Variants in PSPC1 observed in about 807,000 individuals in gnomAD.
PSPC1 encodes paraspeckle component 1, also known as paraspeckle protein 1.
A neutral mutation model predicts 51.6 loss-of-function variants in PSPC1; 14 were observed. That is an observed-to-expected ratio of 0.27 (90% CI 0.18 to 0.42). The LOEUF (loss-of-function observed/expected upper bound fraction) is 0.42. Ranked by LOEUF, PSPC1 falls within the 10% of genes least tolerant of loss-of-function variation. The pLI, the probability that PSPC1 is intolerant of heterozygous loss-of-function variation, is 1.00. For missense variants in PSPC1, 406 were observed against 701.1 expected, an observed-to-expected ratio of 0.58 and a Z score of 4.75; for synonymous variants, 193 against 231.9, an observed-to-expected ratio of 0.83 and a Z score of 1.53.
At chr13:19,736,824 A>T (rs1028189866) in intron 5 of PSPC1, among the ~76,000 whole-genome samples, 1 of 152,198 alleles carries the variant, frequency 6.6e-6, no homozygotes, top group African/African-American at 2.4e-5. Context: ...CATAGTACAA[A>T]ATTATGAAAA....
chr13:19,751,919 G>A (rs1465256925), intron 3 of PSPC1, among the ~76,000 whole-genome samples: 2 of 152,100 alleles, frequency 1.3e-5, no homozygotes, highest in African/African-American at 4.8e-5. Context: ...TTAGCCGGGC[G>A]TGGTGGCAGG....
In PSPC1 at chr13:19,703,039, C is replaced by G. The variant is rs1278446631; in HGVS notation, c.*136G>C. 1 of 517,472 alleles carries G rather than the reference C, an allele frequency of 1.9e-6. No homozygotes were observed. The highest frequency in any genetic ancestry group is 4.0e-5 in the Admixed American group (1 of 24,728). 32.1% of individuals were successfully genotyped at this position (517,472 alleles called of 1,614,324 possible). A position where few individuals can be genotyped will look rare whatever the true frequency, so the allele number is the denominator to read the frequency against. On this transcript the variant is annotated 3_prime_UTR_variant, in exon 9 of 9. Coordinates refer to ENST00000338910, the MANE Select transcript of PSPC1 (RefSeq NM_001354909.2). ...TGAATAAAGAAAAATACAAAAACCT[C>G]AAGTTTTACAAAAAAAAAAAAACTT...
At position 19,782,770 on chromosome 13, in the gene PSPC1, G is replaced by T; in HGVS notation, c.-13C>A. The T allele has an allele frequency of 6.5e-7, 1 of 1,529,700 alleles. No homozygotes were observed. Among genetic ancestry groups the T allele is most frequent in the African/African-American group, 1.4e-5 (1 of 69,154 alleles). The allele number at this position is 1,529,700 out of a possible 1,614,324, so 94.8% of individuals were successfully genotyped here. ...CTCTTAACATCATCTTACTGAGTTC[G>T]CCTCGGACACCGGATACAGGCCTAG... On this transcript the variant is annotated 5_prime_UTR_variant, in exon 1 of 9. Coordinates refer to ENST00000338910, the MANE Select transcript of PSPC1 (RefSeq NM_001354909.2). The surrounding 1 kb of genome is among the most constrained non-coding windows in gnomAD (Gnocchi z 4.5).
chr13:19,753,757 A>G (rs1886799397), intron 3 of PSPC1, among the ~76,000 whole-genome samples: 1 of 152,164 alleles, frequency 6.6e-6, no homozygotes, highest in Non-Finnish European at 1.5e-5. Context: ...TGTAATAACA[A>G]GAGAGGGAAA....
At chr13:19,731,684 G>C (rs1421103035) in intron 5 of PSPC1, among the ~76,000 whole-genome samples, 1 of 152,202 alleles carries the variant, frequency 6.6e-6, no homozygotes, top group African/African-American at 2.4e-5. Context: ...AAAGTGCTGG[G>C]ATTACAGGCG....
intron 2 of PSPC1, among the ~76,000 whole-genome samples, chr13:19,760,099 C>T (rs564533893): frequency 2.5e-4 from 38 of 152,146 alleles, no homozygotes; most frequent in Non-Finnish European, 4.7e-4. Context: ...AATGATACTT[C>T]TGAGACATTT....
At chr13:19,772,837 T>C (rs1397012235) in intron 1 of PSPC1, among the ~76,000 whole-genome samples, 1 of 152,136 alleles carries the variant, frequency 6.6e-6, no homozygotes, top group East Asian at 1.9e-4. Flanking sequence ...AGTTTTAAAA[T>C]CTCCTACATA....
chr13:19,732,563 T>C (rs1285224408), intron 5 of PSPC1, among the ~76,000 whole-genome samples: 2 of 152,186 alleles, frequency 1.3e-5, no homozygotes, highest in African/African-American at 4.8e-5. Context: ...AGGTTTCACA[T>C]AACAGGAGTT....
intron 2 of PSPC1, among the ~76,000 whole-genome samples, chr13:19,766,073 T>C (rs1161759948): frequency 3.3e-5 from 5 of 152,128 alleles, no homozygotes; most frequent in Non-Finnish European, 7.3e-5. Context: ...AGAAAAGAGT[T>C]TTAAAAAGCA....
chr13:19,691,704 A>C (rs528880993), intron 6 of PSPC1, among the ~76,000 whole-genome samples: 2 of 152,260 alleles, frequency 1.3e-5, no homozygotes, highest in African/African-American at 4.8e-5. Context: ...GGATCACTTG[A>C]GGTCAGGAGT....
At chr13:19,714,513 C>G (rs1008822105) in intron 6 of PSPC1, among the ~76,000 whole-genome samples, 9 of 102,626 alleles carry the variant, frequency 8.8e-5, no homozygotes, top group African/African-American at 2.9e-4. Context: ...TTTTTTTTTT[C>G]CTTTGTCAGT....
chr13:19,733,964 A>G (rs932084173), intron 5 of PSPC1, among the ~76,000 whole-genome samples: 2 of 151,980 alleles, frequency 1.3e-5, no homozygotes, highest in African/African-American at 4.8e-5. Context: ...AAAATAAAAT[A>G]AAAATGATTT....
intron 5 of PSPC1, among the ~76,000 whole-genome samples, chr13:19,734,815 T>G (rs144425136): frequency 0.021 from 3,235 of 150,490 alleles, 50 homozygotes; most frequent in Non-Finnish European, 0.032. Context: ...AAAAAAATAA[T>G]AAGAATATAA....
intron 7 of PSPC1, among the ~76,000 whole-genome samples, chr13:19,677,021 T>C (rs1307158109): frequency 6.6e-6 from 1 of 151,956 alleles, no homozygotes; most frequent in Admixed American, 6.5e-5. Context: ...GATCACAAAG[T>C]CAGGAGATCG....
At chr13:19,712,980 G>C (rs753492605) in intron 6 of PSPC1, among the ~76,000 whole-genome samples, 1 of 152,114 alleles carries the variant, frequency 6.6e-6, no homozygotes, top group Non-Finnish European at 1.5e-5. Context: ...AAGAGGTAGA[G>C]ATTAGGATGA....
intron 5 of PSPC1, among the ~76,000 whole-genome samples, chr13:19,732,186 T>A (rs1566003982): frequency 6.6e-6 from 1 of 152,224 alleles, no homozygotes; most frequent in Non-Finnish European, 1.5e-5. Context: ...CTGGACTATT[T>A]TAAGATTGTT....
intron 6 of PSPC1, among the ~76,000 whole-genome samples, chr13:19,716,691 T>C (rs1565987692): frequency 6.6e-6 from 1 of 152,164 alleles, no homozygotes; most frequent in Non-Finnish European, 1.5e-5. Context: ...ATATAGTAAG[T>C]TCTGACAACA....
intron 3 of PSPC1, among the ~76,000 whole-genome samples, chr13:19,753,676 T>C (rs184832039): frequency 2.0e-5 from 3 of 152,054 alleles, no homozygotes; most frequent in East Asian, 3.9e-4. Context: ...ACTTTTATTT[T>C]GGGGTAGGGA....
chr13:19,677,186 T>G (rs547019677), intron 7 of PSPC1, among the ~76,000 whole-genome samples: 5 of 146,646 alleles, frequency 3.4e-5, no homozygotes, highest in Admixed American at 2.1e-4. Context: ...TGAGCCAAGA[T>G]CGTGCCACTG....
Sources: gnomAD v4.1 joint callset for allele counts (sites outside exome capture counted in the v4.1 genomes callset) on GRCh38, gnomAD v4.1.1 for gene constraint, Gnocchi (gnomAD v3.1) non-coding constraint, MANE v1.5 for transcripts, NCBI Gene and HGNC (gene_info 2026-07-23, HGNC 2026-07-21) for gene names.